Variants in SLC35F3 observed in about 807,000 individuals in gnomAD.
The protein encoded by SLC35F3 is solute carrier family 35 member F3.
SLC35F3 carries 25 observed loss-of-function variants against 49.9 expected under a neutral mutation model. The observed-to-expected ratio is 0.50, with a 90% CI of 0.37 to 0.70. The LOEUF is 0.70. Among genes scored for constraint, SLC35F3 ranks in the 30% least tolerant of loss-of-function variants. The pLI is 0.00. For synonymous variants in SLC35F3, 275 were observed against 265.4 expected (o/e 1.04, Z -0.35); for missense variants, 525 against 639.8 (o/e 0.82, Z 1.94).
chr1:233,971,666 C>T (rs1431259088), intron 2 of SLC35F3, among the ~76,000 whole-genome samples: 4 of 146,184 alleles, frequency 2.7e-5, no homozygotes, highest in Non-Finnish European at 4.4e-5. Flanking sequence ...TGCAGTGAGC[C>T]GAGATCACGC....
chr1:233,930,167 A>AG (rs1662220224), intron 2 of SLC35F3, among the ~76,000 whole-genome samples: 1 of 150,918 alleles, frequency 6.6e-6, no homozygotes, highest in South Asian at 2.1e-4. Flanking sequence ...AAAAAAAAAA[A>AG]GGAAGAGAGA....
At chr1:234,084,772 A>T (rs1244385633) in intron 2 of SLC35F3, among the ~76,000 whole-genome samples, 1 of 152,120 alleles carries the variant, frequency 6.6e-6, no homozygotes. Context: ...CAGAAATGAC[A>T]TACTACCCAA....
intron 3 of SLC35F3, among the ~76,000 whole-genome samples, chr1:234,277,663 C>T (rs1668233323): frequency 6.6e-6 from 1 of 152,172 alleles, no homozygotes; most frequent in Non-Finnish European, 1.5e-5. Context: ...TGTTTCCTCC[C>T]ACCCTGTCTA....
chr1:234,251,457 A>G (rs1309219689), intron 3 of SLC35F3, among the ~76,000 whole-genome samples: 1 of 91,514 alleles, frequency 1.1e-5, no homozygotes, highest in Non-Finnish European at 2.1e-5. Context: ...CCATTTACAA[A>G]CTAAACCAAA....
At chr1:234,155,993 A>T (rs1165706978) in intron 2 of SLC35F3, among the ~76,000 whole-genome samples, 3 of 152,144 alleles carry the variant, frequency 2.0e-5, no homozygotes, top group Non-Finnish European at 4.4e-5. Context: ...TTTGGTGAGG[A>T]ATACCAAAAA....
At chr1:234,265,070 C>T (rs1360099892) in intron 3 of SLC35F3, among the ~76,000 whole-genome samples, 1 of 152,184 alleles carries the variant, frequency 6.6e-6, no homozygotes, top group Non-Finnish European at 1.5e-5. Flanking sequence ...GTGAGCCCCT[C>T]CTGTCTCATG....
intron 2 of SLC35F3, among the ~76,000 whole-genome samples, chr1:233,968,749 TGCTGGTATTATAGGCATGA>T (rs1475286864): frequency 6.6e-6 from 1 of 152,200 alleles, no homozygotes; most frequent in Non-Finnish European, 1.5e-5. Flanking sequence ...CCTCCCAAAG[TGCTGGTATTATAGGCATGA>T]GCCACTGCAC....
At chr1:234,165,577 G>T (rs1666301306) in intron 2 of SLC35F3, among the ~76,000 whole-genome samples, 1 of 152,110 alleles carries the variant, frequency 6.6e-6, no homozygotes, top group African/African-American at 2.4e-5. Flanking sequence ...TGGAGAATGG[G>T]ATCTTGCTAT....
At chr1:234,321,043 C>T (rs546791549) in intron 7 of SLC35F3, among the ~76,000 whole-genome samples, 2 of 140,624 alleles carry the variant, frequency 1.4e-5, no homozygotes, top group East Asian at 4.4e-4. Context: ...GATTGCCCCC[C>T]CCCCACCCCA....
intron 3 of SLC35F3, among the ~76,000 whole-genome samples, chr1:234,292,076 T>C (rs560203569): frequency 9.2e-5 from 14 of 152,218 alleles, no homozygotes; most frequent in Non-Finnish European, 1.6e-4. Context: ...CTTCTGCATC[T>C]TGGAGTGAGG....
In SLC35F3 at chr1:234,231,799, ACT is replaced by A. The variant is rs1039175125; in HGVS notation, c.608+61_608+62del. 4 of 1,494,132 alleles carry A rather than the reference ACT, an allele frequency of 2.7e-6. No homozygotes were observed. The African/African-American group carries it at 4.2e-5, about 16-fold the overall frequency. 92.6% of individuals were successfully genotyped at this position (1,494,132 alleles called of 1,614,324 possible). On this transcript the variant is annotated intron_variant, in intron 3 of 7. Transcript: ENST00000366618. The surrounding 1 kb of genome is among the most constrained non-coding windows in gnomAD (Gnocchi z 5.4). Reference sequence around the variant, plus strand: ...CCCCGGGCTGCTCCATCCAGCGCTGACTCTGCAGAGCTGCCCCTGGTGGCAGG... The same window carrying A: ...CCCCGGGCTGCTCCATCCAGCGCTGACTGCAGAGCTGCCCCTGGTGGCAGG...
At chr1:234,091,297 G>A (rs1369148199) in intron 2 of SLC35F3, among the ~76,000 whole-genome samples, 1 of 152,150 alleles carries the variant, frequency 6.6e-6, no homozygotes, top group African/African-American at 2.4e-5. Context: ...CAGCCCTGCT[G>A]TCTGTTTACT....
intron 2 of SLC35F3, among the ~76,000 whole-genome samples, chr1:234,066,863 C>T (rs981745174): frequency 8.0e-5 from 12 of 150,452 alleles, no homozygotes; most frequent in Admixed American, 2.0e-4. Context: ...CACACACACA[C>T]ACACACACAC....
intron 2 of SLC35F3, among the ~76,000 whole-genome samples, chr1:234,081,405 G>A (rs944963435): frequency 1.5e-4 from 23 of 152,136 alleles, no homozygotes; most frequent in Admixed American, 1.2e-3. Flanking sequence ...TGGAAAATAA[G>A]CTCAGAGTTC....
chr1:234,119,492 T>C (rs1438765752), intron 2 of SLC35F3, among the ~76,000 whole-genome samples: 1 of 152,174 alleles, frequency 6.6e-6, no homozygotes, highest in East Asian at 1.9e-4. Flanking sequence ...GGATAGACAT[T>C]TCCCATTCAT....
chr1:234,307,941 C>T (rs888752663), intron 3 of SLC35F3, among the ~76,000 whole-genome samples: 1 of 152,146 alleles, frequency 6.6e-6, no homozygotes, highest in Non-Finnish European at 1.5e-5. Flanking sequence ...CCCGAGCTCC[C>T]CACGGCCTCC....
At chr1:234,294,066 A>G (rs768503792) in intron 3 of SLC35F3, among the ~76,000 whole-genome samples, 28 of 152,206 alleles carry the variant, frequency 1.8e-4, no homozygotes, top group Non-Finnish European at 1.5e-4. Flanking sequence ...AATTCCCCTG[A>G]ATGTTTCTTT....
In SLC35F3 at chr1:234,214,733, A is replaced by T; in HGVS notation, c.284-16684A>T. On this transcript the variant is annotated intron_variant, in intron 2 of 7. Transcript: ENST00000366618. The surrounding 1 kb of genome is among the most constrained non-coding windows in gnomAD (Gnocchi z 8.0). ...AGAGCGCCGCCGCCTGCGTGGGGGG[A>T]TCTGGCAGCTTCAGGGGCTGCCCTG... 1.0e-6 allele frequency: 1 copy of T among 1,003,754 alleles called. No homozygotes were observed. Among genetic ancestry groups the T allele is most frequent in the Non-Finnish European group, 1.4e-6 (1 of 736,732 alleles). The allele number at this position is 1,003,754 out of a possible 1,614,324, so 62.2% of individuals were successfully genotyped here.
At chr1:234,179,416 T>G (rs756874959) in intron 2 of SLC35F3, among the ~76,000 whole-genome samples, 106 of 152,334 alleles carry the variant, frequency 7.0e-4, no homozygotes, top group South Asian at 8.3e-4. Context: ...AAACATTTTC[T>G]TAGTTGACAA....
Sources: gnomAD v4.1 joint callset for allele counts (sites outside exome capture counted in the v4.1 genomes callset) on GRCh38, gnomAD v4.1.1 for gene constraint, Gnocchi (gnomAD v3.1) non-coding constraint, MANE v1.5 for transcripts, NCBI Gene and HGNC (gene_info 2026-07-23, HGNC 2026-07-21) for gene names.